The following TRAPPC8 variants were observed in gnomAD, a reference collection of about 807,000 sequenced individuals.
The protein encoded by TRAPPC8 is trafficking protein particle complex subunit 8.
Under a neutral mutation model 174.3 loss-of-function variants are expected in TRAPPC8, and 54 were observed. That is an observed-to-expected ratio of 0.31 (90% CI 0.25 to 0.39). TRAPPC8 has a LOEUF of 0.39. TRAPPC8 is among the 10% of genes least tolerant of loss of function. TRAPPC8 has a pLI of 1.00. For synonymous variants in TRAPPC8, 630 were observed against 579.9 expected, an observed-to-expected ratio of 1.09 and a Z score of -1.24; for missense variants, 1,531 against 1,699.1, an observed-to-expected ratio of 0.90 and a Z score of 1.74.
chr18:31,893,288 T>G (rs1044847126), intron 11 of TRAPPC8, among the ~76,000 whole-genome samples: 3 of 152,166 alleles, frequency 2.0e-5, no homozygotes, highest in African/African-American at 7.2e-5. Context: ...CACACTCTCT[T>G]TGCCTTTATA....
At chr18:31,916,493 T>C (rs1336854130) in intron 3 of TRAPPC8, 47 bp from the exon 4 acceptor site, 2 of 1,527,338 alleles carry the variant, frequency 1.3e-6, no homozygotes, top group South Asian at 1.3e-5. Context: ...TACTCAATGA[T>C]AAATATTGTC....
intron 24 of TRAPPC8, among the ~76,000 whole-genome samples, chr18:31,852,219 T>C (rs2033742143): frequency 6.6e-6 from 1 of 152,032 alleles, no homozygotes; most frequent in African/African-American, 2.4e-5. Flanking sequence ...CTGATGCCTG[T>C]AGTCCCAGCT....
In TRAPPC8 at chr18:31,852,646, T is replaced by G. The variant is rs1231069156; in HGVS notation, c.3451A>C (p.Arg1151=). 6.2e-7 allele frequency: 1 copy of G among 1,613,862 alleles called. No individual in the cohort carries two copies. Among genetic ancestry groups the G allele is most frequent in the Admixed American group, 1.7e-5 (1 of 60,026 alleles). The change falls in exon 23 of 29, where the codon AGG becomes CGG. Residue 1151 remains arginine (R), a synonymous_variant. Coordinates refer to ENST00000283351, the MANE Select transcript of TRAPPC8 (RefSeq NM_014939.5). ...TTAAAGCAAAACTTTCCCTTCTCCC[T>G]ACTGGCAAGTTTGGTATCTAGGAAG... is the stretch of plus-strand genomic sequence containing the variant. ...SENKDTKLAS[R]EKGKFCFKAI...
At chr18:31,843,118 C>T (rs577340275) in intron 26 of TRAPPC8, among the ~76,000 whole-genome samples, 2 of 152,200 alleles carry the variant, frequency 1.3e-5, no homozygotes, top group East Asian at 3.9e-4. Context: ...GTTTCTAAAA[C>T]ACTTTACACT....
intron 9 of TRAPPC8, among the ~76,000 whole-genome samples, chr18:31,901,986 CT>C (rs2036448296): frequency 6.6e-6 from 1 of 152,180 alleles, no homozygotes; most frequent in Non-Finnish European, 1.5e-5. Context: ...CTCTTTGTCA[CT>C]GTAGTATTTG....
chr18:31,852,997 C>A, intron 22 of TRAPPC8: 1 of 258,852 alleles, frequency 3.9e-6, no homozygotes, highest in Non-Finnish European at 7.4e-6. Context: ...CATTTCCTTT[C>A]AGTATGTTTC....
Position 31,870,361 on chromosome 18 carries a change from T to C in TRAPPC8, c.2388+11A>G, listed in dbSNP as rs1423292461. ...CTGAAACATAATTACAAATACCTTT[T>C]AATAACTTACTAGTTGTTTAACTTC... On this transcript the variant is annotated intron_variant, in intron 16 of 28. Transcript: ENST00000283351. The C allele has an allele frequency of 1.2e-6, 2 of 1,600,654 alleles. No homozygotes were observed. Among genetic ancestry groups the C allele is most frequent in the African/African-American group, 1.3e-5 (1 of 74,262 alleles).
chr18:31,857,843 C>T lies in TRAPPC8; in HGVS notation c.2885G>A (p.Gly962Asp). The change falls in exon 20 of 29, where the codon GGT becomes GAT. Residue 962 changes from glycine to aspartate, a missense_variant. Gly to Asp is a moderately conservative substitution (Grantham distance 94, BLOSUM62 -1). Coordinates refer to ENST00000283351, the MANE Select transcript of TRAPPC8 (RefSeq NM_014939.5). ...TAGTGGTGTTAGAACAGCAGTATTA[C>T]CACCGAAAGTAAAGAACTCTGGACG... Reference protein sequence around the residue: ...SKRPEFFTFGGNTAVLTPLSP... With the variant: ...SKRPEFFTFGDNTAVLTPLSP... The T allele has an allele frequency of 6.2e-7, 1 of 1,614,164 alleles. No individual in the cohort carries two copies. The highest frequency in any genetic ancestry group is 8.5e-7 in the Non-Finnish European group (1 of 1,180,030).
chr18:31,875,338 A>T (rs1251941787), intron 12 of TRAPPC8, among the ~76,000 whole-genome samples: 1 of 149,130 alleles, frequency 6.7e-6, no homozygotes, highest in Non-Finnish European at 1.5e-5. Context: ...ATAGTAGTAT[A>T]TATAATAATA....
At chr18:31,929,191 G>GAA (rs34749170) in intron 2 of TRAPPC8, among the ~76,000 whole-genome samples, 51 of 129,288 alleles carry the variant, frequency 3.9e-4, no homozygotes, top group African/African-American at 7.7e-4. Context: ...CAAAAAAAGT[G>GAA]AAAAAAAAAA....
chr18:31,942,825 G>GGCT lies in TRAPPC8; in HGVS notation c.-64_-62dup. The stretch of plus-strand genomic sequence containing the variant: ...GGCCCACCCTGCGAGGTTATCCTGC[G>GGCT]GCTGCAGCAGCTACCGCCGCCGCCC... On this transcript the variant is annotated 5_prime_UTR_variant, in exon 1 of 29. Coordinates refer to ENST00000283351, the MANE Select transcript of TRAPPC8 (RefSeq NM_014939.5). 1 of 1,275,298 alleles carries GGCT rather than the reference G, an allele frequency of 7.8e-7. No homozygotes were observed. Among genetic ancestry groups the GGCT allele is most frequent in the African/African-American group, 1.5e-5 (1 of 64,720 alleles). The allele number at this position is 1,275,298 out of a possible 1,614,324, so 79.0% of individuals were successfully genotyped here. A position where few individuals can be genotyped will look rare whatever the true frequency, so the allele number is the denominator to read the frequency against.
Position 31,909,742 on chromosome 18 carries a change from G to A in TRAPPC8, c.790C>T (p.Pro264Ser), listed in dbSNP as rs201471974. The change falls in exon 6 of 29, where the codon CCT becomes TCT. Residue 264 changes from proline (P) to serine (S), a missense_variant. Coordinates refer to ENST00000283351, the MANE Select transcript of TRAPPC8 (RefSeq NM_014939.5). ...TTCTTATTTGAAGTTATAGTACAAG[G>A]GCCATCTTCATATGATTCCTATCAA... ...IQNQESYEDG[P>S]CTITSNKNSD... 4 of 1,590,694 alleles carry A rather than the reference G, an allele frequency of 2.5e-6. No homozygotes were observed. Among genetic ancestry groups the A allele is most frequent in the African/African-American group, 2.7e-5 (2 of 73,602 alleles).
intron 24 of TRAPPC8, 114 bp downstream of exon 24, chr18:31,852,332 G>T: frequency 8.7e-7 from 1 of 1,154,230 alleles, no homozygotes; most frequent in Non-Finnish European, 1.2e-6. Flanking sequence ...GCAAGACCTT[G>T]TCTCCCCCCC....
rs566609587 is a variant in TRAPPC8, at chr18:31,830,944, T to C, written c.4119A>G (p.Gln1373=). The C allele has an allele frequency of 2.8e-4, 449 of 1,614,176 alleles. 9 individuals are homozygous for C. In the South Asian group the frequency reaches 4.8e-3, roughly 17 times the overall value. Residue 1373 remains glutamine (Q), a synonymous_variant, in exon 29 of 29, where the codon CAA becomes CAG. Transcript: ENST00000283351. ...TTTTAAGTTGAAGTTTATACTGTGTTTGTCCAAGCCATGTGAATGATCCAT... is the reference window on the plus strand; with the variant it reads ...TTTTAAGTTGAAGTTTATACTGTGTCTGTCCAAGCCATGTGAATGATCCAT... ...EIHGSFTWLG[Q]TQYKLQLKSQ... is the part of the protein sequence containing the mutation.
At chr18:31,858,179 G>A (rs12604916) in intron 19 of TRAPPC8, among the ~76,000 whole-genome samples, 197 bp from the exon 20 acceptor site, 13,368 of 151,768 alleles carry the variant, frequency 0.088, 825 homozygotes, top group East Asian at 0.33. Context: ...ATGTTACTCT[G>A]CCACTCAGTA....
Position 31,857,584 on chromosome 18 carries a change from G to A in TRAPPC8, c.3144C>T (p.Asn1048=). The A allele has an allele frequency of 6.2e-7, 1 of 1,609,222 alleles. No individual in the cohort carries two copies. Among genetic ancestry groups the A allele is most frequent in the South Asian group, 1.1e-5 (1 of 90,538 alleles). ...GPDEEGVHEI[N]FLFYYESVKK... is the part of the protein sequence containing the mutation. ...TGACACTTTCATAGTAAAACAAAAA[G>A]TTAATTTCATGGACACCTTCTTCAT... is the stretch of plus-strand genomic sequence containing the variant. The change falls in exon 20 of 29, where the codon AAC becomes AAT. Residue 1048 remains asparagine, a synonymous_variant. Transcript: ENST00000283351.
chr18:31,939,959 G>T (rs35275842), intron 1 of TRAPPC8, among the ~76,000 whole-genome samples: 48,841 of 152,060 alleles, frequency 0.32, 8,389 homozygotes, highest in South Asian at 0.57. Context: ...ACAATGAGCC[G>T]CTATCACAGC....
At chr18:31,942,180 A>G (rs1248225248) in intron 1 of TRAPPC8, among the ~76,000 whole-genome samples, 1 of 152,242 alleles carries the variant, frequency 6.6e-6, no homozygotes, top group Non-Finnish European at 1.5e-5. Context: ...CTACTTTCAA[A>G]GTCCAGTTTA....
chr18:31,861,624 T>G (rs1335064120), intron 19 of TRAPPC8, among the ~76,000 whole-genome samples: 1 of 152,116 alleles, frequency 6.6e-6, no homozygotes, highest in East Asian at 1.9e-4. Flanking sequence ...TGAAGAATAT[T>G]TAAATGATAT....
Sources: gnomAD v4.1 joint callset for allele counts (sites outside exome capture counted in the v4.1 genomes callset) on GRCh38, gnomAD v4.1.1 for gene constraint, MANE v1.5 for transcripts, NCBI Gene and HGNC (gene_info 2026-07-23, HGNC 2026-07-21) for gene names.